KHDRBS2: variants seen among roughly 807,000 people sequenced by gnomAD.
KHDRBS2 encodes the protein KH domain-containing, RNA-binding, signal transduction-associated protein 2.
A neutral mutation model predicts 44.3 loss-of-function variants in KHDRBS2; 26 were observed. The observed-to-expected ratio is 0.59, with a 90% CI of 0.43 to 0.81. The LOEUF is 0.81. KHDRBS2 is among the 40% of genes least tolerant of loss of function. The pLI is 0.00. For synonymous variants in KHDRBS2, 194 were observed against 151.1 expected, an observed-to-expected ratio of 1.28 and a Z score of -2.08; for missense variants, 476 against 433.1, an observed-to-expected ratio of 1.10 and a Z score of -0.88.
At chr6:61,560,866 T>C in the KHDRBS2 span, among the ~76,000 whole-genome samples, 30 of 152,204 alleles carry the variant, frequency 2.0e-4, no homozygotes, top group Admixed American at 2.0e-3. Flanking sequence ...ATGGTGTTGA[T>C]GCTAGTACAT....
chr6:62,059,057 C>A (rs1790987432), intron 2 of KHDRBS2, among the ~76,000 whole-genome samples: 1 of 151,310 alleles, frequency 6.6e-6, no homozygotes, highest in African/African-American at 2.4e-5. Context: ...ACTTAGAACT[C>A]CACTGAGGGG....
chr6:61,574,148 G>T, the KHDRBS2 span, among the ~76,000 whole-genome samples: 1 of 152,074 alleles, frequency 6.6e-6, no homozygotes, highest in African/African-American at 2.4e-5. Flanking sequence ...CACAAGGAAA[G>T]GTTAAAAAAA....
At chr6:61,760,729 T>C (rs563906091) in intron 6 of KHDRBS2, among the ~76,000 whole-genome samples, 1 of 152,320 alleles carries the variant, frequency 6.6e-6, no homozygotes, top group African/African-American at 2.4e-5. Context: ...TTCCTGGTTT[T>C]AGCTTATTTG....
At chr6:62,246,102 TTATATATATATATATA>T (rs150717074) in intron 1 of KHDRBS2, among the ~76,000 whole-genome samples, 12 of 124,338 alleles carry the variant, frequency 9.7e-5, no homozygotes, top group East Asian at 2.3e-4. Context: ...TCAATCAATT[TTATATATATATATATA>T]TATATATATA....
chr6:61,952,811 A>G (rs551581864), intron 4 of KHDRBS2, among the ~76,000 whole-genome samples: 39 of 152,186 alleles, frequency 2.6e-4, no homozygotes, highest in Admixed American at 9.2e-4. Flanking sequence ...TAAACAAAAT[A>G]AACGGGTAAA....
At chr6:61,858,357 A>G (rs1796443029) in intron 6 of KHDRBS2, among the ~76,000 whole-genome samples, 1 of 151,802 alleles carries the variant, frequency 6.6e-6, no homozygotes, top group African/African-American at 2.4e-5. Flanking sequence ...TTATTACTCC[A>G]TTTTCTGTTT....
intron 7 of KHDRBS2, among the ~76,000 whole-genome samples, chr6:61,725,058 A>G (rs1480074800): frequency 2.0e-5 from 3 of 152,164 alleles, no homozygotes; most frequent in Non-Finnish European, 2.9e-5. Context: ...CACATAATCA[A>G]GTAAAACATT....
intron 2 of KHDRBS2, among the ~76,000 whole-genome samples, chr6:62,131,137 G>T (rs942318206): frequency 6.6e-6 from 1 of 151,876 alleles, no homozygotes; most frequent in Non-Finnish European, 1.5e-5. Context: ...CTTACTAATC[G>T]ACGTTTTACA....
chr6:61,657,100 T>A, the KHDRBS2 span, among the ~76,000 whole-genome samples: 1 of 151,942 alleles, frequency 6.6e-6, no homozygotes, highest in Admixed American at 6.6e-5. Flanking sequence ...AATCCTGTCC[T>A]GTAACAACAG....
intron 1 of KHDRBS2, among the ~76,000 whole-genome samples, chr6:62,239,553 A>G (rs1834248340): frequency 1.4e-5 from 2 of 147,092 alleles, no homozygotes; most frequent in Non-Finnish European, 3.0e-5. Flanking sequence ...AGCCTGCATG[A>G]AAGAGTTAGA....
chr6:62,071,247 G>A (rs796179590), intron 2 of KHDRBS2, among the ~76,000 whole-genome samples: 1 of 152,012 alleles, frequency 6.6e-6, no homozygotes, highest in African/African-American at 2.4e-5. Flanking sequence ...TTAGCCCTTT[G>A]TCAGATGAGT....
At chr6:61,951,938 T>C (rs1410114152) in intron 4 of KHDRBS2, among the ~76,000 whole-genome samples, 1 of 151,954 alleles carries the variant, frequency 6.6e-6, no homozygotes, top group African/African-American at 2.4e-5. Flanking sequence ...ACATTATCTG[T>C]ACAATCAAAG....
At chr6:61,687,134 C>T (rs1291482848) in intron 8 of KHDRBS2, among the ~76,000 whole-genome samples, 2 of 151,640 alleles carry the variant, frequency 1.3e-5, no homozygotes, top group African/African-American at 4.8e-5. Context: ...CAGAGGGTAA[C>T]AGAAGAGGGA....
intron 4 of KHDRBS2, among the ~76,000 whole-genome samples, chr6:61,909,756 G>T (rs570861769): frequency 8.5e-4 from 129 of 152,316 alleles, no homozygotes; most frequent in African/African-American, 3.1e-3. Context: ...TGTTATGATG[G>T]CATTTTGCCC....
At chr6:61,609,260 G>T in the KHDRBS2 span, among the ~76,000 whole-genome samples, 1 of 152,344 alleles carries the variant, frequency 6.6e-6, no homozygotes, top group East Asian at 1.9e-4. Context: ...TCAGGAGGCT[G>T]AGGCAGAGAA....
the KHDRBS2 span, chr6:61,574,507 C>G: frequency 1.1e-6 from 1 of 895,768 alleles, no homozygotes; most frequent in Non-Finnish European, 1.6e-6. Flanking sequence ...AAAATTTCGG[C>G]TGGGGCGACC....
Position 62,286,048 on chromosome 6 carries a change from C to T in KHDRBS2, c.-100G>A. The T allele has an allele frequency of 1.4e-6, 1 of 732,656 alleles. No homozygotes were observed. Among genetic ancestry groups the T allele is most frequent in the Non-Finnish European group, 2.4e-6 (1 of 417,888 alleles). 45.4% of individuals were successfully genotyped at this position (732,656 alleles called of 1,614,324 possible). A position where few individuals can be genotyped will look rare whatever the true frequency, so the allele number is the denominator to read the frequency against. On this transcript the variant is annotated 5_prime_UTR_variant, in exon 1 of 9. Coordinates refer to ENST00000281156, the MANE Select transcript of KHDRBS2 (RefSeq NM_152688.4). ...GCGCCTGGCTCCCGCGCTGCTCCTC[C>T]TCCGCGCGGCGAGGGATCTCTGTGC... is the stretch of plus-strand genomic sequence containing the variant.
chr6:61,617,466 T>G, the KHDRBS2 span, among the ~76,000 whole-genome samples: 1 of 152,176 alleles, frequency 6.6e-6, no homozygotes, highest in African/African-American at 2.4e-5. Context: ...ACATGATTAT[T>G]TTGTTGCAGC....
intron 2 of KHDRBS2, among the ~76,000 whole-genome samples, chr6:62,155,669 T>C (rs549708558): frequency 1.5e-4 from 23 of 152,346 alleles, no homozygotes; most frequent in Admixed American, 1.2e-3. Context: ...TGCTAAACTA[T>C]TGTTTCTGTA....
Sources: allele counts gnomAD v4.1 joint callset (sites outside exome capture counted in the v4.1 genomes callset), GRCh38; gene constraint gnomAD v4.1.1; transcripts MANE v1.5; gene names NCBI Gene and HGNC (gene_info 2026-07-23, HGNC 2026-07-21).